Variants in PIWIL3 observed in about 807,000 individuals in gnomAD.
The protein encoded by PIWIL3 is piwi like RNA-mediated gene silencing 3, also known as piwi-like protein 3.
Under a neutral mutation model 109.7 loss-of-function variants are expected in PIWIL3, and 101 were observed. The observed-to-expected ratio is 0.92, with a 90% CI of 0.78 to 1.09. The LOEUF is 1.09. Ranked by LOEUF, PIWIL3 falls within the 50% of genes least tolerant of loss-of-function variation. The probability of loss-of-function intolerance (pLI) is 0.00; values close to 1 mark genes in which losing one functional copy is unlikely to be tolerated. For synonymous variants in PIWIL3, 373 were observed against 376.4 expected, an observed-to-expected ratio of 0.99 and a Z score of 0.10; for missense variants, 1,031 against 1,072.6, an observed-to-expected ratio of 0.96 and a Z score of 0.54.
rs1014839622 is a variant in PIWIL3, at chr22:24,723,362, G to C, written c.2232-107C>G. The C allele has an allele frequency of 7.7e-6, 9 of 1,169,858 alleles. No homozygotes were observed. In the Admixed American group the frequency reaches 1.7e-4, roughly 22 times the overall value. 72.5% of individuals were successfully genotyped at this position (1,169,858 alleles called of 1,614,324 possible). A position where few individuals can be genotyped will look rare whatever the true frequency, so the allele number is the denominator to read the frequency against. ...CATTTAGGACCCATTAAGAAGAACA[G>C]ACAGCAGCCCTCCTTACACCCTAAT... On this transcript the variant is annotated intron_variant, in intron 18 of 20. Coordinates refer to ENST00000616349, the MANE Select transcript of PIWIL3 (RefSeq NM_001255975.1).
At chr22:24,766,487 T>TTTTTTGTATTTTTTTTAG (rs1273291451) in intron 1 of PIWIL3, among the ~76,000 whole-genome samples, 1 of 151,614 alleles carries the variant, frequency 6.6e-6, no homozygotes, top group African/African-American at 2.4e-5. Flanking sequence ...CCTGGCTAAT[T>TTTTTTGTATTTTTTTTAG]TTTTTGTATT....
Position 24,734,154 on chromosome 22 carries a change from A to T in PIWIL3, c.1637T>A (p.Ile546Asn). Residue 546 changes from isoleucine (I) to asparagine (N), a missense_variant and splice_region_variant, in exon 14 of 21, where the codon ATT (isoleucine) becomes AAT (asparagine). Transcript: ENST00000616349. Reference sequence around the variant, plus strand: ...GGAGTTAGCATCACCATCTACTTCAATCCTAAAAAATAAATATAGCATCCA... The same window carrying T: ...GGAGTTAGCATCACCATCTACTTCATTCCTAAAAAATAAATATAGCATCCA... ...MGITMKPAEM[I>N]EVDGDANSYI... 6.2e-7 allele frequency: 1 copy of T among 1,610,966 alleles called. No homozygotes were observed. The highest frequency in any genetic ancestry group is 8.5e-7 in the Non-Finnish European group (1 of 1,179,100).
At chr22:24,733,323 C>T (rs1406891175) in intron 14 of PIWIL3, among the ~76,000 whole-genome samples, 1 of 151,842 alleles carries the variant, frequency 6.6e-6, no homozygotes, top group Non-Finnish European at 1.5e-5. Context: ...TGTAGTAATT[C>T]AGATACAACA....
At chr22:24,727,009 T>C (rs1267455200) in intron 16 of PIWIL3, among the ~76,000 whole-genome samples, 1 of 152,182 alleles carries the variant, frequency 6.6e-6, no homozygotes, top group Admixed American at 6.5e-5. Flanking sequence ...AAGGAGAGCA[T>C]AGGATATAGA....
In PIWIL3 at chr22:24,719,489, G is replaced by A. The variant is rs61733498; in HGVS notation, c.2605C>T (p.Arg869Cys). The A allele has an allele frequency of 4.1e-3, 6,448 of 1,589,020 alleles. 247 individuals are homozygous for A. In the African/African-American group the frequency reaches 0.077, roughly 19 times the overall value. Residue 869 changes from arginine to cysteine, a missense_variant, in exon 21 of 21, where the codon CGT becomes TGT. Transcript: ENST00000616349. ...HQEPNRSLST[R>C]LFYL Reference sequence around the variant, plus strand: ...TCTGCAGGTCAAAGGTAAAAGAGACGAGTTGACAAGGAACGATTCGGTTCC... The same window carrying A: ...TCTGCAGGTCAAAGGTAAAAGAGACAAGTTGACAAGGAACGATTCGGTTCC...
intron 1 of PIWIL3, among the ~76,000 whole-genome samples, chr22:24,766,781 G>C (rs1211223040): frequency 6.6e-6 from 1 of 151,990 alleles, no homozygotes. Context: ...CTTTGAAATT[G>C]CACCATTATC....
intron 1 of PIWIL3, among the ~76,000 whole-genome samples, chr22:24,771,488 AAAAAAAG>A (rs1169781623): frequency 6.6e-6 from 1 of 151,678 alleles, no homozygotes; most frequent in Non-Finnish European, 1.5e-5. Flanking sequence ...AAAAAAAAAA[AAAAAAAG>A]AAAGTTACTT....
rs71274254 is a variant in PIWIL3, at chr22:24,742,385, G to GAAA, written c.1450-6496_1450-6494dup. Among the ~76,000 whole-genome samples, 314 of 150,422 alleles carry GAAA rather than the reference G, an allele frequency of 2.1e-3. 1 individual carries two copies. The highest frequency in any genetic ancestry group is 3.7e-3 in the Admixed American group (56 of 15,144). On this transcript the variant is annotated intron_variant, in intron 12 of 20. Coordinates refer to ENST00000616349, the MANE Select transcript of PIWIL3 (RefSeq NM_001255975.1). The stretch of plus-strand genomic sequence containing the variant: ...ACCATCATCATTCTTCATAGAACTA[G>GAAA]AAAAAAAAATCAAAAAAATCCTAGA...
In PIWIL3 at chr22:24,756,520, A is replaced by C. The variant is rs992333802; in HGVS notation, c.541T>G (p.Leu181Val). The C allele has an allele frequency of 5.6e-6, 9 of 1,613,960 alleles. No homozygotes were observed. In the African/African-American group the frequency reaches 1.1e-4, roughly 19 times the overall value. Residue 181 changes from leucine to valine, a missense_variant, in exon 5 of 21, where the codon TTA (leucine) becomes GTA (valine). By Grantham distance (32) the Leu-to-Val change is conservative. Transcript: ENST00000616349. The part of the protein sequence containing the change: ...GERHIFDGNS[L>V]LLSRPLKERR... ...TCTTTTAGTGGCCGAGATAATAATAAAGAGTTTCCATCAAATATATGGCGC... is the reference window on the plus strand; with the variant it reads ...TCTTTTAGTGGCCGAGATAATAATACAGAGTTTCCATCAAATATATGGCGC...
At chr22:24,742,339 C>A (rs1245075184) in intron 12 of PIWIL3, among the ~76,000 whole-genome samples, 1 of 151,736 alleles carries the variant, frequency 6.6e-6, no homozygotes, top group Non-Finnish European at 1.5e-5. Flanking sequence ...TCTACAAATT[C>A]AGTGCAATTC....
At chr22:24,760,624 A>G (rs1345852199) in intron 2 of PIWIL3, among the ~76,000 whole-genome samples, 1 of 151,866 alleles carries the variant, frequency 6.6e-6, no homozygotes, top group African/African-American at 2.4e-5. Flanking sequence ...TACTAAAAAT[A>G]CAAAACTTAG....
chr22:24,758,144 C>A lies in PIWIL3; in HGVS notation c.224-105G>T, dbSNP rs557185676. On this transcript the variant is annotated intron_variant, in intron 3 of 20. Coordinates refer to ENST00000616349, the MANE Select transcript of PIWIL3 (RefSeq NM_001255975.1). ...TTGTTAGAGGTAGAAAAGATGCCACCCAAGGTTCCAAAACACATTTCCGTG... is the reference window on the plus strand; with the variant it reads ...TTGTTAGAGGTAGAAAAGATGCCACACAAGGTTCCAAAACACATTTCCGTG... 1.6e-4 allele frequency: 213 copies of A among 1,309,290 alleles called. No individual in the cohort carries two copies. In the African/African-American group the frequency reaches 3.0e-3, roughly 19 times the overall value. 81.1% of individuals were successfully genotyped at this position (1,309,290 alleles called of 1,614,324 possible).
Position 24,761,129 on chromosome 22 carries a change from C to G in PIWIL3, c.103-1140G>C, listed in dbSNP as rs570187596. Among the ~76,000 whole-genome samples the G allele has an allele frequency of 6.6e-5, 10 of 151,984 alleles. No homozygotes were observed. In the East Asian group the frequency reaches 1.9e-3, roughly 29 times the overall value. ...TGGGAGTGTGAGTTGTCCACGGACA[C>G]CCGTGGGGGTGTTAGGTGGTGCAGG... On this transcript the variant is annotated intron_variant, in intron 2 of 20. Coordinates refer to ENST00000616349, the MANE Select transcript of PIWIL3 (RefSeq NM_001255975.1).
At chr22:24,721,099 T>G (rs1922649455) in intron 19 of PIWIL3, among the ~76,000 whole-genome samples, 1 of 152,210 alleles carries the variant, frequency 6.6e-6, no homozygotes, top group African/African-American at 2.4e-5. Context: ...GGTAGCTCTC[T>G]CAGTGAGTAT....
chr22:24,727,621 G>T (rs1168030557), intron 16 of PIWIL3, among the ~76,000 whole-genome samples: 2 of 152,216 alleles, frequency 1.3e-5, no homozygotes, highest in Non-Finnish European at 2.9e-5. Context: ...TGGCTTAGCT[G>T]ACACCTTAAT....
chr22:24,740,523 G>A (rs1469177724), intron 12 of PIWIL3, among the ~76,000 whole-genome samples: 1 of 147,098 alleles, frequency 6.8e-6, no homozygotes, highest in African/African-American at 2.5e-5. Flanking sequence ...ACTCCATCCT[G>A]GGCAACAGAG....
rs969122944 is a variant in PIWIL3, at chr22:24,774,570, G to A, written c.-271C>T. ...CGCCTGTAATCCCAGCACTTTGGCAGGCTGAGGCGGGTAGATCATGAGGTC... is the reference window on the plus strand; with the variant it reads ...CGCCTGTAATCCCAGCACTTTGGCAAGCTGAGGCGGGTAGATCATGAGGTC... On this transcript the variant is annotated 5_prime_UTR_variant, in exon 1 of 21. Transcript: ENST00000616349. The A allele has an allele frequency of 6.6e-6, 1 of 152,398 alleles. No individual in the cohort carries two copies. Among genetic ancestry groups the A allele is most frequent in the African/African-American group, 2.4e-5 (1 of 41,436 alleles). 9.4% of individuals were successfully genotyped at this position (152,398 alleles called of 1,614,324 possible). A position where few individuals can be genotyped will look rare whatever the true frequency, so the allele number is the denominator to read the frequency against.
At chr22:24,760,946 T>C (rs1012842326) in intron 2 of PIWIL3, among the ~76,000 whole-genome samples, 4 of 152,046 alleles carry the variant, frequency 2.6e-5, no homozygotes, top group Non-Finnish European at 5.9e-5. Context: ...AGAAATTGTC[T>C]GATACTGGAT....
chr22:24,761,675 G>A (rs1250379575), intron 2 of PIWIL3, among the ~76,000 whole-genome samples: 2 of 152,122 alleles, frequency 1.3e-5, no homozygotes, highest in Non-Finnish European at 2.9e-5. Context: ...AGGATCTCCA[G>A]TGAGGGGCTG....
Sources: allele counts gnomAD v4.1 joint callset (sites outside exome capture counted in the v4.1 genomes callset), GRCh38; gene constraint gnomAD v4.1.1; transcripts MANE v1.5; gene names NCBI Gene and HGNC (gene_info 2026-07-23, HGNC 2026-07-21).